The following SNX29 variants were observed in gnomAD, a reference collection of about 807,000 sequenced individuals.
The protein encoded by SNX29 is sorting nexin 29.
In SNX29, 78 loss-of-function variants were observed where a neutral mutation model predicts 102.1. The observed-to-expected ratio is 0.76, with a 90% confidence interval of 0.64 to 0.92. The LOEUF is 0.92. Among genes scored for constraint, SNX29 ranks in the 40% least tolerant of loss-of-function variants. The pLI is 0.00. For missense variants in SNX29, 1,280 were observed against 1,061.7 expected, an observed-to-expected ratio of 1.21 and a Z score of -2.86; for synonymous variants, 580 against 414.5, an observed-to-expected ratio of 1.40 and a Z score of -4.85.
rs2054626627 is a variant in SNX29, at chr16:12,135,511, G to C, written c.1595+5753G>C. The C allele has an allele frequency of 2.3e-6, 3 of 1,317,682 alleles. No homozygotes were observed. In the African/African-American group the frequency reaches 4.5e-5, roughly 20 times the overall value. 81.6% of individuals were successfully genotyped at this position (1,317,682 alleles called of 1,614,324 possible). ...AGAGCCAGTTACTGCATTCTTGAGA[G>C]GATGGTGCCAGCCAGTTCTCTTTGC... On this transcript the variant is annotated intron_variant, in intron 13 of 20. Coordinates refer to ENST00000566228, the MANE Select transcript of SNX29 (RefSeq NM_032167.5).
rs564600347 is a variant in SNX29 at position 12,060,692 on chromosome 16, G to C, written c.1125-836G>C. ...AGATGTAATGCAGATACTGGGGGAC[G>C]GCTATACTGCAAAAATACCTCCAGG... On this transcript the variant is annotated intron_variant, in intron 8 of 20. Coordinates refer to ENST00000566228, the MANE Select transcript of SNX29 (RefSeq NM_032167.5). The C allele has an allele frequency of 3.4e-5, 15 of 444,540 alleles. No individual in the cohort carries two copies. In the Admixed American group the frequency reaches 3.6e-4, roughly 11 times the overall value. The allele number at this position is 444,540 out of a possible 1,614,324, so 27.5% of individuals were successfully genotyped here.
intron 13 of SNX29, among the ~76,000 whole-genome samples, chr16:12,190,837 G>T (rs1358585568): frequency 6.6e-6 from 1 of 152,134 alleles, no homozygotes; most frequent in African/African-American, 2.4e-5. Flanking sequence ...GTAGAACCCG[G>T]GAGGAGCCTT....
chr16:12,296,143 TCCTG>T (rs2079973032), intron 15 of SNX29, among the ~76,000 whole-genome samples: 1 of 152,220 alleles, frequency 6.6e-6, no homozygotes, highest in Non-Finnish European at 1.5e-5. Flanking sequence ...ATTCTCCCCT[TCCTG>T]TGCTCTGGCT....
intron 18 of SNX29, among the ~76,000 whole-genome samples, chr16:12,425,309 G>A (rs1440675341): frequency 6.6e-6 from 1 of 152,042 alleles, no homozygotes; most frequent in African/African-American, 2.4e-5. Flanking sequence ...GGATGTGGCG[G>A]GTTAAGCAAA....
chr16:12,177,814 C>T (rs1371043168), intron 13 of SNX29, among the ~76,000 whole-genome samples: 4 of 152,200 alleles, frequency 2.6e-5, no homozygotes, highest in Middle Eastern at 3.4e-3. Context: ...CTGCTGTGGG[C>T]GGGGTGCTGG....
Position 12,561,974 on chromosome 16 carries a change from G to C in SNX29, c.2319-6532G>C, listed in dbSNP as rs12597211. Among the ~76,000 whole-genome samples the C allele has an allele frequency of 2.7e-3, 409 of 152,250 alleles. 4 individuals carry two copies. Among genetic ancestry groups the C allele is most frequent in the African/African-American group, 8.9e-3 (371 of 41,538 alleles). On this transcript the variant is annotated intron_variant, in intron 20 of 20. Transcript: ENST00000566228. The stretch of plus-strand genomic sequence containing the variant: ...CCTGGGGGCATGATGTCCCCAGAGT[G>C]TCTACCAGCTTGGTGACAATGGACC...
At chr16:12,503,568 C>G (rs373931379) in intron 19 of SNX29, among the ~76,000 whole-genome samples, 1 of 152,114 alleles carries the variant, frequency 6.6e-6, no homozygotes, top group Non-Finnish European at 1.5e-5. Flanking sequence ...CTAGCAAAGT[C>G]GTGAGAGGAA....
chr16:12,164,090 G>A (rs147770075), intron 13 of SNX29, among the ~76,000 whole-genome samples: 93 of 152,236 alleles, frequency 6.1e-4, no homozygotes, highest in African/African-American at 2.2e-3. Flanking sequence ...TGGAGGTGCG[G>A]TGTGTGTGTA....
At chr16:12,541,430 C>T (rs1161621938) in intron 20 of SNX29, among the ~76,000 whole-genome samples, 1 of 152,262 alleles carries the variant, frequency 6.6e-6, no homozygotes, top group South Asian at 2.1e-4. Flanking sequence ...CATGGAAGGT[C>T]ATCAATGTCT....
chr16:12,301,448 C>G lies in SNX29; in HGVS notation c.1782+23412C>G, dbSNP rs186404057. ...CTATACTCCCTCTCCCCCAAATCTC[C>G]ACATGGCTGGCTTCGTGTCCTCCCA... On this transcript the variant is annotated intron_variant, in intron 15 of 20. Coordinates refer to ENST00000566228, the MANE Select transcript of SNX29 (RefSeq NM_032167.5). Among the ~76,000 whole-genome samples, 145 of 152,360 alleles carry G rather than the reference C, an allele frequency of 9.5e-4. 1 individual carries two copies. The highest frequency in any genetic ancestry group is 3.3e-3 in the African/African-American group (139 of 41,588).
intron 13 of SNX29, among the ~76,000 whole-genome samples, chr16:12,185,256 G>T (rs2076482282): frequency 6.6e-6 from 1 of 152,136 alleles, no homozygotes; most frequent in South Asian, 2.1e-4. Context: ...GAGTGGGGAG[G>T]GATCTTTGGG....
At chr16:12,306,594 T>C (rs1161512935) in intron 15 of SNX29, among the ~76,000 whole-genome samples, 1 of 152,218 alleles carries the variant, frequency 6.6e-6, no homozygotes, top group African/African-American at 2.4e-5. Flanking sequence ...TCGCTGTCTT[T>C]GTAACTACAT....
chr16:12,373,887 A>C (rs749692348), intron 16 of SNX29: 1 of 152,252 alleles, frequency 6.6e-6, no homozygotes, highest in Non-Finnish European at 1.5e-5. Flanking sequence ...GTCAAATATA[A>C]AGAGATATCA....
chr16:12,418,428 G>A (rs1226855129), intron 18 of SNX29, among the ~76,000 whole-genome samples: 6 of 152,074 alleles, frequency 3.9e-5, no homozygotes, highest in Non-Finnish European at 1.5e-5. Context: ...AGGAGAAAGG[G>A]ACCTGTTCAG....
At chr16:12,254,278 G>A (rs767918271) in intron 14 of SNX29, among the ~76,000 whole-genome samples, 7 of 152,184 alleles carry the variant, frequency 4.6e-5, no homozygotes, top group Non-Finnish European at 8.8e-5. Flanking sequence ...TTCTGAGAGA[G>A]TGAGTGTAGG....
chr16:12,201,945 C>T (rs944746486), intron 14 of SNX29, among the ~76,000 whole-genome samples: 13 of 152,138 alleles, frequency 8.5e-5, no homozygotes, highest in Admixed American at 5.2e-4. Flanking sequence ...GCCTATGGAA[C>T]CTACAGTGTA....
At chr16:12,446,354 C>T (rs1162951001) in intron 18 of SNX29, among the ~76,000 whole-genome samples, 1 of 152,206 alleles carries the variant, frequency 6.6e-6, no homozygotes, top group Non-Finnish European at 1.5e-5. Flanking sequence ...CTGTGCCTGG[C>T]CCCATTTGTT....
chr16:12,539,073 C>G (rs1303492138), intron 20 of SNX29, among the ~76,000 whole-genome samples: 1 of 152,142 alleles, frequency 6.6e-6, no homozygotes, highest in South Asian at 2.1e-4. Context: ...GGGATAGGGC[C>G]AAGTTTAATA....
At position 12,052,084 on chromosome 16, in the gene SNX29, T is replaced by C. The variant is rs1260395022; in HGVS notation, c.986T>C (p.Leu329Pro). The C allele has an allele frequency of 6.2e-7, 1 of 1,613,988 alleles. No individual in the cohort carries two copies. Reference sequence around the variant, plus strand: ...AGCAACTCATGGAAAATTGATTCCCTGTCTTTGAACGGGGAGTTTGGGTAC... The same window carrying C: ...AGCAACTCATGGAAAATTGATTCCCCGTCTTTGAACGGGGAGTTTGGGTAC... ...QSSNSWKIDS[L>P]SLNGEFGYQK... The change falls in exon 8 of 21, where the codon CTG (leucine) becomes CCG (proline). Residue 329 changes from leucine to proline, a missense_variant. Coordinates refer to ENST00000566228, the MANE Select transcript of SNX29 (RefSeq NM_032167.5).
Sources: gnomAD v4.1 joint callset for allele counts (sites outside exome capture counted in the v4.1 genomes callset) on GRCh38, gnomAD v4.1.1 for gene constraint, MANE v1.5 for transcripts, NCBI Gene and HGNC (gene_info 2026-07-23, HGNC 2026-07-21) for gene names.